Variants in LRP2 observed in about 807,000 individuals in gnomAD.
The protein encoded by LRP2 is low-density lipoprotein receptor-related protein 2.
A neutral mutation model predicts 531.0 loss-of-function variants in LRP2; 172 were observed. The observed-to-expected ratio is 0.32, with a 90% CI of 0.29 to 0.37. The LOEUF (loss-of-function observed/expected upper bound fraction) is 0.37. LRP2 is among the 10% of genes least tolerant of loss of function. The probability of loss-of-function intolerance (pLI) is 1.00; values close to 1 mark genes in which losing one functional copy is unlikely to be tolerated. For missense variants in LRP2, 5,167 were observed against 5,868.3 expected (o/e 0.88, Z 3.90); for synonymous variants, 1,992 against 2,027.6 (o/e 0.98, Z 0.47).
chr2:169,232,686 C>T (rs763405275), intron 30 of LRP2, among the ~76,000 whole-genome samples: 2 of 152,108 alleles, frequency 1.3e-5, no homozygotes, highest in Non-Finnish European at 2.9e-5. Context: ...CGCGAAGCAA[C>T]TCATGCAGAG....
At chr2:169,166,526 T>G (rs1216852065) in intron 61 of LRP2, among the ~76,000 whole-genome samples, 1 of 152,218 alleles carries the variant, frequency 6.6e-6, no homozygotes, top group Non-Finnish European at 1.5e-5. Flanking sequence ...GTACATGGAC[T>G]CTTATCCTAA....
intron 1 of LRP2, among the ~76,000 whole-genome samples, chr2:169,353,349 C>T (rs892509167): frequency 2.0e-5 from 3 of 152,116 alleles, no homozygotes; most frequent in Admixed American, 2.0e-4. Context: ...GAAGCCAGAC[C>T]GCACACAAAG....
chr2:169,275,186 A>G lies in LRP2; in HGVS notation c.1825T>C (p.Leu609=). 2 of 1,613,796 alleles carry G rather than the reference A, an allele frequency of 1.2e-6. No homozygotes were observed. Among genetic ancestry groups the G allele is most frequent in the Non-Finnish European group, 1.7e-6 (2 of 1,179,828 alleles). ...GTAAAGAACACCTGACCTTCAAATA[A>G]GCTTACTCCAAAGGGATGAGGAATG... ...SLIPHPFGVS[L]FEGQVFFTDW... Residue 609 remains leucine, a synonymous_variant, in exon 14 of 79, where the codon TTA becomes CTA. Transcript: ENST00000649046.
intron 13 of LRP2, chr2:169,275,458 A>T: frequency 1.9e-6 from 1 of 538,316 alleles, no homozygotes; most frequent in Non-Finnish European, 3.3e-6. Flanking sequence ...TGAGACTTAC[A>T]TTCCAGTCCC....
chr2:169,181,754 T>G, intron 51 of LRP2, 136 bp from the exon 52 acceptor site: 1 of 390,124 alleles, frequency 2.6e-6, no homozygotes, highest in Non-Finnish European at 4.6e-6. Context: ...TTTTCTGCAT[T>G]CAGAAAAGAA....
At chr2:169,313,147 A>C (rs530162212) in intron 3 of LRP2, among the ~76,000 whole-genome samples, 98 of 152,040 alleles carry the variant, frequency 6.4e-4, no homozygotes, top group Non-Finnish European at 4.1e-4. Flanking sequence ...GATGGGTTTG[A>C]ACATCCCCCT....
In LRP2 at chr2:169,216,235, C is replaced by A. The variant is rs778661956; in HGVS notation, c.5826+18G>T. On this transcript the variant is annotated intron_variant, in intron 35 of 78. Transcript: ENST00000649046. ...CCAGCTCAGCATAAAGACCAAAAGA[C>A]TGAAAGGGTGCTCATACCACTCCTC... 6.2e-7 allele frequency: 1 copy of A among 1,612,938 alleles called. No individual in the cohort carries two copies. Among genetic ancestry groups the A allele is most frequent in the Non-Finnish European group, 8.5e-7 (1 of 1,179,332 alleles).
In LRP2 at chr2:169,241,153, T is replaced by C. The variant is rs1325293271; in HGVS notation, c.3880A>G (p.Asn1294Asp). 2 of 1,614,184 alleles carry C rather than the reference T, an allele frequency of 1.2e-6. No individual in the cohort carries two copies. Among genetic ancestry groups the C allele is most frequent in the East Asian group, 4.5e-5 (2 of 44,888 alleles). The change falls in exon 25 of 79, where the codon AAT becomes GAT. Residue 1294 changes from asparagine to aspartate, a missense_variant. By Grantham distance (23) the Asn-to-Asp change is conservative (BLOSUM62 1). Around this residue, in one of 6 missense-constraint regions of LRP2, gnomAD observed 2,811 missense variants for 3,058.0 expected, o/e 0.92. Coordinates refer to ENST00000649046, the MANE Select transcript of LRP2 (RefSeq NM_004525.3). ...IHRAWLCDRD[N>D]DCGDMSDEKD... is the part of the protein sequence containing the mutation. Reference sequence around the variant, plus strand: ...TCATCACTCATATCCCCGCAGTCATTGTCCCGATCACAGAGCCATGCCCTG... The same window carrying C: ...TCATCACTCATATCCCCGCAGTCATCGTCCCGATCACAGAGCCATGCCCTG...
intron 4 of LRP2, 54 bp downstream of exon 4, chr2:169,307,227 G>A: frequency 8.5e-7 from 1 of 1,181,020 alleles, no homozygotes; most frequent in Non-Finnish European, 1.3e-6. Context: ...TGATTAAAAT[G>A]CCAAAGGGAC....
chr2:169,310,563 G>T (rs1023353665), intron 3 of LRP2, among the ~76,000 whole-genome samples: 1 of 152,186 alleles, frequency 6.6e-6, no homozygotes, highest in Admixed American at 6.5e-5. Context: ...ACTTGATCAT[G>T]GTGGATAAAC....
At chr2:169,346,390 A>G (rs570666735) in intron 1 of LRP2, among the ~76,000 whole-genome samples, 2 of 152,342 alleles carry the variant, frequency 1.3e-5, no homozygotes, top group African/African-American at 4.8e-5. Context: ...TGAACCAAAT[A>G]TTAGGGAAGA....
chr2:169,220,346 A>T, intron 34 of LRP2, 108 bp downstream of exon 34: 1 of 801,006 alleles, frequency 1.2e-6, no homozygotes, highest in East Asian at 2.5e-5. Context: ...AAATGTTGAC[A>T]TATGAAATCA....
intron 13 of LRP2, 84 bp from the exon 14 acceptor site, chr2:169,275,322 C>T (rs1683524432): frequency 4.0e-6 from 4 of 1,000,672 alleles, no homozygotes; most frequent in South Asian, 1.4e-5. Context: ...CAATTAAATG[C>T]CTGAAAAGCT....
chr2:169,209,444 C>T lies in LRP2; in HGVS notation c.6469+9G>A, dbSNP rs1688516284. On this transcript the variant is annotated intron_variant, in intron 38 of 78. Transcript: ENST00000649046. ...CAAACATATTAAAATCACCATATAG[C>T]TTACATACCTGCTACCCAATCCACT... is the stretch of plus-strand genomic sequence containing the variant. 6.2e-7 allele frequency: 1 copy of T among 1,613,018 alleles called. No homozygotes were observed. The highest frequency in any genetic ancestry group is 8.5e-7 in the Non-Finnish European group (1 of 1,179,030).
intron 1 of LRP2, among the ~76,000 whole-genome samples, chr2:169,353,632 G>A (rs553653461): frequency 6.6e-6 from 1 of 152,208 alleles, no homozygotes; most frequent in East Asian, 1.9e-4. Context: ...AATGTGGGTA[G>A]GATTGCCATA....
rs1414612679 is a variant in LRP2 at position 169,207,189 on chromosome 2, A to T, written c.6531T>A (p.Asn2177Lys). ...SETLIEVLRI[N>K]TTYRRVLLKV... ...TAAGAAGAACACGGCGGTAAGTAGT[A>T]TTGATCCGCAGAACTTCTATCAGTG... Residue 2177 changes from asparagine (N) to lysine (K), a missense_variant, in exon 39 of 79, where the codon AAT becomes AAA. Transcript: ENST00000649046. 6.2e-7 allele frequency: 1 copy of T among 1,613,970 alleles called. No homozygotes were observed. Among genetic ancestry groups the T allele is most frequent in the Non-Finnish European group, 8.5e-7 (1 of 1,179,992 alleles).
intron 3 of LRP2, among the ~76,000 whole-genome samples, chr2:169,314,270 G>A (rs1416309712): frequency 5.9e-5 from 9 of 152,146 alleles, no homozygotes; most frequent in African/African-American, 2.2e-4. Context: ...GGGCACAGTG[G>A]CTCACTTCCA....
intron 36 of LRP2, 92 bp from the exon 37 acceptor site, chr2:169,212,299 T>A: frequency 1.3e-6 from 2 of 1,528,468 alleles, no homozygotes; most frequent in Non-Finnish European, 1.8e-6. Flanking sequence ...AAATAATTTA[T>A]TCTAAAAATT....
chr2:169,139,486 G>A, intron 73 of LRP2, 57 bp downstream of exon 73: 2 of 1,610,262 alleles, frequency 1.2e-6, no homozygotes, highest in Non-Finnish European at 1.7e-6. Context: ...AGCTGTGACA[G>A]CATTCAATGT....
Sources: allele counts gnomAD v4.1 joint callset (sites outside exome capture counted in the v4.1 genomes callset), GRCh38; gene constraint gnomAD v4.1.1; regional missense constraint gnomAD v4.1.1; transcripts MANE v1.5; gene names NCBI Gene and HGNC (gene_info 2026-07-23, HGNC 2026-07-21).